The following LRRC19 variants were observed in gnomAD, a reference collection of about 807,000 sequenced individuals.
LRRC19 encodes the protein leucine rich repeat containing 19.
LRRC19 carries 33 observed loss-of-function variants against 33.3 expected under a neutral mutation model. That is an observed-to-expected ratio of 0.99 (90% confidence interval 0.75 to 1.33). LRRC19 has a LOEUF of 1.33. Ranked by LOEUF, LRRC19 falls within the 40% of genes most tolerant of loss-of-function variation. LRRC19 has a pLI of 0.00. For synonymous variants in LRRC19, 184 were observed against 152.3 expected, an observed-to-expected ratio of 1.21 and a Z score of -1.53; for missense variants, 463 against 417.3, an observed-to-expected ratio of 1.11 and a Z score of -0.95.
chr9:26,993,466 G>A lies in LRRC19; in HGVS notation c.*2055C>T, dbSNP rs1157286384. 1 of 152,416 alleles carries A rather than the reference G, an allele frequency of 6.6e-6. No individual in the cohort carries two copies. Among genetic ancestry groups the A allele is most frequent in the East Asian group, 1.9e-4 (1 of 5,184 alleles). 9.4% of individuals were successfully genotyped at this position (152,416 alleles called of 1,614,324 possible). ...TGTGTCTGTAAACACAAGCAAATAT[G>A]TATTATAAATTAGTAAGTTCTTCTA... is the stretch of plus-strand genomic sequence containing the variant. On this transcript the variant is annotated 3_prime_UTR_variant, in exon 5 of 5. Transcript: ENST00000380055.
Position 26,998,829 on chromosome 9 carries a change from C to CA in LRRC19, c.82-589dup, listed in dbSNP as rs1176499261. Reference sequence around the variant, plus strand: ...TGAAACCCTGTCTCTACTGAAAATACAAAAAAAAAAAAAAGTCAGCCGGGC... The same window carrying CA: ...TGAAACCCTGTCTCTACTGAAAATACAAAAAAAAAAAAAAAGTCAGCCGGGC... On this transcript the variant is annotated intron_variant, in intron 2 of 4. Transcript: ENST00000380055. 1.8e-3 allele frequency among the ~76,000 whole-genome samples: 231 copies of CA among 129,186 alleles called. No homozygotes were observed. The East Asian group carries it at 0.021, about 12-fold the overall frequency. The allele number at this position is 129,186 out of a possible 152,430, so 84.8% of individuals were successfully genotyped here.
chr9:27,003,148 A>T (rs1828588253), intron 1 of LRRC19, among the ~76,000 whole-genome samples: 1 of 151,802 alleles, frequency 6.6e-6, no homozygotes, highest in Non-Finnish European at 1.5e-5. Context: ...ATATCTTGCA[A>T]CTTTACTGAA....
intron 1 of LRRC19, among the ~76,000 whole-genome samples, chr9:27,004,370 A>G (rs769359284): frequency 1.3e-5 from 2 of 152,230 alleles, no homozygotes; most frequent in Non-Finnish European, 2.9e-5. Flanking sequence ...CATTCAACAA[A>G]TCTAAAGCAT....
chr9:26,999,023 ATAAACTCTCTGGTTTAACTCTCT>A (rs1478940679), intron 2 of LRRC19, among the ~76,000 whole-genome samples: 1 of 152,176 alleles, frequency 6.6e-6, no homozygotes, highest in African/African-American at 2.4e-5. Flanking sequence ...ATCAGTCTGA[ATAAACTCTCTGGTTTAACTCTCT>A]TAAACTCTCT....
rs1465669166 is a variant in LRRC19 at position 26,995,015 on chromosome 9, G to A, written c.*506C>T. The stretch of plus-strand genomic sequence containing the variant: ...GAAATTTATTGTGCTATTTCAGGAA[G>A]CATTTCAAAAAAATATTTTCCAACT... On this transcript the variant is annotated 3_prime_UTR_variant, in exon 5 of 5. Transcript: ENST00000380055. 3.3e-5 allele frequency: 5 copies of A among 152,308 alleles called. No individual in the cohort carries two copies. The highest frequency in any genetic ancestry group is 6.5e-5 in the Admixed American group (1 of 15,290). 9.4% of individuals were successfully genotyped at this position (152,308 alleles called of 1,614,324 possible).
intron 2 of LRRC19, among the ~76,000 whole-genome samples, chr9:26,998,671 A>C (rs1007563037): frequency 3.9e-5 from 6 of 152,144 alleles, no homozygotes; most frequent in African/African-American, 1.4e-4. Context: ...TAACAACATT[A>C]TACCTAGGGC....
At position 26,995,746 on chromosome 9, in the gene LRRC19, C is replaced by A. The variant is rs373470897; in HGVS notation, c.888G>T (p.Trp296Cys). ...GATTATAACTAAGCAGAATATTGTA[C>A]CATATTGGGCATTTGATAGCAATAA... ...LIFIAIKCPI[W>C]YNILLSYNHH... Residue 296 changes from tryptophan (W) to cysteine (C), a missense_variant, in exon 5 of 5, where the codon TGG (tryptophan) becomes TGT (cysteine). Coordinates refer to ENST00000380055, the MANE Select transcript of LRRC19 (RefSeq NM_022901.3). 8.7e-6 allele frequency: 14 copies of A among 1,613,628 alleles called. No individual in the cohort carries two copies. The highest frequency in any genetic ancestry group is 1.0e-5 in the Non-Finnish European group (12 of 1,179,842).
chr9:26,998,254 A>C lies in LRRC19; in HGVS notation c.82-13T>G, dbSNP rs1022627789. 14 of 1,391,158 alleles carry C rather than the reference A, an allele frequency of 1.0e-5. No individual in the cohort carries two copies. The highest frequency in any genetic ancestry group is 1.2e-5 in the Non-Finnish European group (13 of 1,040,512). 86.2% of individuals were successfully genotyped at this position (1,391,158 alleles called of 1,614,324 possible). ...TACATTGGACTTCCTAGAAAAACAAAAAAAAGAAAGGCATTAATCAGAAAA... is the reference window on the plus strand; with the variant it reads ...TACATTGGACTTCCTAGAAAAACAACAAAAAGAAAGGCATTAATCAGAAAA... On this transcript the variant is annotated splice_polypyrimidine_tract_variant and intron_variant, in intron 2 of 4. Transcript: ENST00000380055.
At chr9:27,000,752 A>T (rs1828437533) in intron 1 of LRRC19, among the ~76,000 whole-genome samples, 1 of 152,136 alleles carries the variant, frequency 6.6e-6, no homozygotes, top group Non-Finnish European at 1.5e-5. Flanking sequence ...TGACGGGTTG[A>T]TCTGTGCAGC....
At chr9:26,998,436 G>C (rs1336246467) in intron 2 of LRRC19, among the ~76,000 whole-genome samples, 195 bp from the exon 3 acceptor site, 2 of 152,080 alleles carry the variant, frequency 1.3e-5, no homozygotes, top group African/African-American at 4.8e-5. Context: ...AGGATATTCT[G>C]ATACATACAA....
intron 1 of LRRC19, among the ~76,000 whole-genome samples, chr9:27,003,485 T>C (rs1246987309): frequency 6.6e-6 from 1 of 152,000 alleles, no homozygotes; most frequent in Non-Finnish European, 1.5e-5. Flanking sequence ...ATCATGCCAC[T>C]GTGCTCCAGC....
chr9:26,997,849 G>C lies in LRRC19; in HGVS notation c.474C>G (p.Ser158Arg), dbSNP rs140858779. 1.2e-6 allele frequency: 2 copies of C among 1,614,172 alleles called. No individual in the cohort carries two copies. The highest frequency in any genetic ancestry group is 2.2e-5 in the South Asian group (2 of 91,086). The change falls in exon 3 of 5, where the codon AGC becomes AGG. Residue 158 changes from serine (S) to arginine (R), a missense_variant. Ser to Arg is a moderately radical substitution (Grantham distance 110, BLOSUM62 -1). Coordinates refer to ENST00000380055, the MANE Select transcript of LRRC19 (RefSeq NM_022901.3). ...GAAATAGTGGTGGTACATCCAAATA[G>C]CTAATCAAATTGCCTTGCAGATTCA... ...KLLNLQGNLI[S>R]YLDVPPLFHL...
chr9:26,994,732 A>G lies in LRRC19; in HGVS notation c.*789T>C, dbSNP rs551158285. ...ACTGAATAGATAGAAATAGCTGTCCATGGACCACATGAAGATTCCTTAGTG... is the reference window on the plus strand; with the variant it reads ...ACTGAATAGATAGAAATAGCTGTCCGTGGACCACATGAAGATTCCTTAGTG... On this transcript the variant is annotated 3_prime_UTR_variant, in exon 5 of 5. Coordinates refer to ENST00000380055, the MANE Select transcript of LRRC19 (RefSeq NM_022901.3). The G allele has an allele frequency of 2.6e-5, 4 of 152,738 alleles. No homozygotes were observed. The highest frequency in any genetic ancestry group is 2.1e-4 in the South Asian group (1 of 4,830). 9.5% of individuals were successfully genotyped at this position (152,738 alleles called of 1,614,324 possible). A position where few individuals can be genotyped will look rare whatever the true frequency, so the allele number is the denominator to read the frequency against.
chr9:27,005,141 A>G (rs1014069102), intron 1 of LRRC19, among the ~76,000 whole-genome samples: 2 of 149,772 alleles, frequency 1.3e-5, no homozygotes, highest in African/African-American at 4.9e-5. Flanking sequence ...TTTTTTTCAG[A>G]TTTAAAACCT....
chr9:27,001,169 G>GTA (rs1352735220), intron 1 of LRRC19, among the ~76,000 whole-genome samples: 2 of 152,006 alleles, frequency 1.3e-5, no homozygotes, highest in African/African-American at 4.8e-5. Flanking sequence ...ATATTCCATT[G>GTA]TATATATATG....
Position 26,993,684 on chromosome 9 carries a change from G to A in LRRC19, c.*1837C>T, listed in dbSNP as rs1216831261. On this transcript the variant is annotated 3_prime_UTR_variant, in exon 5 of 5. Coordinates refer to ENST00000380055, the MANE Select transcript of LRRC19 (RefSeq NM_022901.3). ...ACTTTATTATATACATAAACAATTT[G>A]AACATACACAGAAATAGCATACTAT... 1 of 151,948 alleles carries A rather than the reference G, an allele frequency of 6.6e-6. No individual in the cohort carries two copies. The highest frequency in any genetic ancestry group is 2.4e-5 in the African/African-American group (1 of 41,356). 9.4% of individuals were successfully genotyped at this position (151,948 alleles called of 1,614,324 possible). A position where few individuals can be genotyped will look rare whatever the true frequency, so the allele number is the denominator to read the frequency against.
At chr9:27,001,594 CTTTTGTGTGTT>C (rs1301230054) in intron 1 of LRRC19, among the ~76,000 whole-genome samples, 1 of 152,022 alleles carries the variant, frequency 6.6e-6, no homozygotes, top group Admixed American at 6.6e-5. Flanking sequence ...ACTTGTTTGT[CTTTTGTGTGTT>C]TTTTGAGAAA....
intron 3 of LRRC19, 62 bp from the exon 4 acceptor site, chr9:26,996,561 A>G: frequency 8.7e-7 from 1 of 1,148,236 alleles, no homozygotes; most frequent in Non-Finnish European, 1.1e-6. Flanking sequence ...AACATTTTAT[A>G]ATTGTTTTAT....
At chr9:26,996,982 G>T (rs1411774569) in intron 3 of LRRC19, among the ~76,000 whole-genome samples, 1 of 152,010 alleles carries the variant, frequency 6.6e-6, no homozygotes, top group Non-Finnish European at 1.5e-5. Context: ...AGGCCGAGGC[G>T]GGTGGATCAC....
Sources: allele counts gnomAD v4.1 joint callset (sites outside exome capture counted in the v4.1 genomes callset), GRCh38; gene constraint gnomAD v4.1.1; transcripts MANE v1.5; gene names NCBI Gene and HGNC (gene_info 2026-07-23, HGNC 2026-07-21).